The following FAM91A1 variants were observed in gnomAD, a reference collection of about 807,000 sequenced individuals.
FAM91A1 encodes protein FAM91A1.
A neutral mutation model predicts 113.5 loss-of-function variants in FAM91A1; 41 were observed. That is an observed-to-expected ratio of 0.36 (90% CI 0.28 to 0.47). The LOEUF is 0.47. FAM91A1 is among the 20% of genes least tolerant of loss of function. The probability of loss-of-function intolerance (pLI) is 1.00; values close to 1 mark genes in which losing one functional copy is unlikely to be tolerated. For synonymous variants in FAM91A1, 307 were observed against 347.9 expected (o/e 0.88, Z 1.31); for missense variants, 696 against 1,001.2 (o/e 0.70, Z 4.11).
rs190754516 is a variant in FAM91A1, at chr8:123,777,337, G to T, written c.367+15G>T. On this transcript the variant is annotated intron_variant, in intron 4 of 23. Transcript: ENST00000334705. ...TGCTGCTGACTGTAAGTATTTAATTGTGCTGAAGAAGGTAATGTTTAGGTT... is the reference window on the plus strand; with the variant it reads ...TGCTGCTGACTGTAAGTATTTAATTTTGCTGAAGAAGGTAATGTTTAGGTT... 6.2e-7 allele frequency: 1 copy of T among 1,608,178 alleles called. No homozygotes were observed. Among genetic ancestry groups the T allele is most frequent in the East Asian group, 2.2e-5 (1 of 44,630 alleles).
chr8:123,805,702 A>C (rs1815786862), intron 19 of FAM91A1, among the ~76,000 whole-genome samples: 1 of 152,192 alleles, frequency 6.6e-6, no homozygotes, highest in Non-Finnish European at 1.5e-5. Context: ...CTGGAGATGC[A>C]GATAGTGACA....
At chr8:123,801,034 A>G (rs548894980) in intron 18 of FAM91A1, among the ~76,000 whole-genome samples, 3 of 152,248 alleles carry the variant, frequency 2.0e-5, no homozygotes, top group South Asian at 4.1e-4. Flanking sequence ...TCTCTTGGCT[A>G]TATATGTATA....
At chr8:123,775,366 T>G in intron 3 of FAM91A1, 68 bp downstream of exon 3, 2 of 1,551,784 alleles carry the variant, frequency 1.3e-6, no homozygotes, top group Non-Finnish European at 1.8e-6. Flanking sequence ...TTTTTGCAGA[T>G]GTTCACCAGC....
intron 15 of FAM91A1, among the ~76,000 whole-genome samples, chr8:123,794,691 A>G (rs1241882071): frequency 3.3e-5 from 5 of 152,214 alleles, no homozygotes; most frequent in African/African-American, 1.2e-4. Context: ...TGGTTCTCTC[A>G]TATTTTTCAT....
rs548893806 is a variant in FAM91A1, at chr8:123,796,706, C to G, written c.1412-1384C>G. ...TCTCCTGACCTCGTGGTCTGCCCACCTCGGCCTCCCAGAGTACTGGGATTA... is the reference window on the plus strand; with the variant it reads ...TCTCCTGACCTCGTGGTCTGCCCACGTCGGCCTCCCAGAGTACTGGGATTA... On this transcript the variant is annotated intron_variant, in intron 15 of 23. Transcript: ENST00000334705. Among the ~76,000 whole-genome samples the G allele has an allele frequency of 1.5e-3, 221 of 151,000 alleles. 1 individual carries two copies. Among genetic ancestry groups the G allele is most frequent in the Non-Finnish European group, 2.5e-3 (170 of 67,706 alleles).
intron 1 of FAM91A1, among the ~76,000 whole-genome samples, chr8:123,769,779 G>A (rs1814794707): frequency 6.6e-6 from 1 of 152,180 alleles, no homozygotes; most frequent in Non-Finnish European, 1.5e-5. Context: ...TACGAAAGTA[G>A]TGATATGGGC....
rs1330507739 is a variant in FAM91A1 at position 123,804,490 on chromosome 8, T to A, written c.1810-777T>A. 7.6e-3 allele frequency among the ~76,000 whole-genome samples: 564 copies of A among 73,854 alleles called. 159 individuals are homozygous for A. Among genetic ancestry groups the A allele is most frequent in the South Asian group, 0.011 (22 of 1,994 alleles). 48.5% of individuals were successfully genotyped at this position (73,854 alleles called of 152,430 possible). A position where few individuals can be genotyped will look rare whatever the true frequency, so the allele number is the denominator to read the frequency against. ...TGAGTAACAGAGCAAGACTCTGTTTTAAAAAAAAAAAAAAAAAAAAAAAAA... is the reference window on the plus strand; with the variant it reads ...TGAGTAACAGAGCAAGACTCTGTTTAAAAAAAAAAAAAAAAAAAAAAAAAA... On this transcript the variant is annotated intron_variant, in intron 18 of 23. Coordinates refer to ENST00000334705, the MANE Select transcript of FAM91A1 (RefSeq NM_144963.4).
chr8:123,812,554 C>G lies in FAM91A1; in HGVS notation c.2367C>G (p.Pro789=), dbSNP rs772490752. ...CAATATTGGATATTCACACAGAGCC[C>G]AGTTTTTCAAGTTTGCTTTCACAGT... ...GASILDIHTE[P]SFSSLLSQSS... Residue 789 remains proline (P), a synonymous_variant, in exon 24 of 24, where the codon CCC becomes CCG. Transcript: ENST00000334705. 6.3e-7 allele frequency: 1 copy of G among 1,594,148 alleles called. No individual in the cohort carries two copies. Among genetic ancestry groups the G allele is most frequent in the African/African-American group, 1.4e-5 (1 of 73,618 alleles).
rs755520458 is a variant in FAM91A1 at position 123,780,056 on chromosome 8, A to G, written c.621A>G (p.Leu207=). 63 of 1,613,456 alleles carry G rather than the reference A, an allele frequency of 3.9e-5. No individual in the cohort carries two copies. The highest frequency in any genetic ancestry group is 5.2e-5 in the Non-Finnish European group (61 of 1,179,648). ...CAGGCCCTCAACTCTCTGGATCACT[A>G]GATTACAATGTAGTACATAGTAAGT... ...IDSGPQLSGS[L]DYNVVHSLYN... is the part of the protein sequence containing the mutation. The change falls in exon 7 of 24, where the codon CTA becomes CTG. Residue 207 remains leucine (L), a synonymous_variant. Transcript: ENST00000334705.
intron 15 of FAM91A1, among the ~76,000 whole-genome samples, chr8:123,791,048 A>T (rs1815370618): frequency 6.6e-6 from 1 of 152,218 alleles, no homozygotes. Context: ...ATTTATGGAG[A>T]TAATGTATTA....
intron 11 of FAM91A1, 66 bp from the exon 12 acceptor site, chr8:123,786,429 A>G: frequency 8.8e-7 from 1 of 1,138,280 alleles, no homozygotes; most frequent in Non-Finnish European, 1.3e-6. Flanking sequence ...TCTTAACTTC[A>G]GTAGATATTT....
intron 13 of FAM91A1, 63 bp from the exon 14 acceptor site, chr8:123,787,601 T>G: frequency 7.7e-7 from 1 of 1,296,618 alleles, no homozygotes; most frequent in Non-Finnish European, 1.1e-6. Flanking sequence ...TATAAATATT[T>G]GATAGTATGC....
At chr8:123,805,458 T>C in intron 19 of FAM91A1, 119 bp downstream of exon 19, 1 of 822,952 alleles carries the variant, frequency 1.2e-6, no homozygotes, top group Non-Finnish European at 1.9e-6. Context: ...CTAGGTTCTT[T>C]GCTACTAAAG....
chr8:123,779,578 C>G (rs1050375399), intron 6 of FAM91A1, among the ~76,000 whole-genome samples: 1 of 152,186 alleles, frequency 6.6e-6, no homozygotes, highest in African/African-American at 2.4e-5. Flanking sequence ...TTACTTCAGT[C>G]TAAAGTACCT....
chr8:123,797,748 G>A (rs756614458), intron 15 of FAM91A1, among the ~76,000 whole-genome samples: 5 of 152,188 alleles, frequency 3.3e-5, no homozygotes, highest in Non-Finnish European at 5.9e-5. Context: ...TGTGCACGGC[G>A]TCAGCCTCTG....
At chr8:123,776,063 G>A (rs1017920810) in intron 3 of FAM91A1, among the ~76,000 whole-genome samples, 1 of 152,166 alleles carries the variant, frequency 6.6e-6, no homozygotes, top group Non-Finnish European at 1.5e-5. Context: ...TATAATACAG[G>A]TGCCAGAAAA....
intron 19 of FAM91A1, 113 bp from the exon 20 acceptor site, chr8:123,805,964 TATG>T: frequency 4.1e-6 from 4 of 980,648 alleles, no homozygotes; most frequent in Admixed American, 3.1e-5. Context: ...TGGAATCAAT[TATG>T]ATGTATTAAA....
At position 123,787,253 on chromosome 8, in the gene FAM91A1, T is replaced by G. The variant is rs778978211; in HGVS notation, c.1079-8T>G. 1 of 1,594,522 alleles carries G rather than the reference T, an allele frequency of 6.3e-7. No individual in the cohort carries two copies. Among genetic ancestry groups the G allele is most frequent in the African/African-American group, 1.3e-5 (1 of 74,310 alleles). On this transcript the variant is annotated splice_polypyrimidine_tract_variant and splice_region_variant and intron_variant, in intron 12 of 23. Coordinates refer to ENST00000334705, the MANE Select transcript of FAM91A1 (RefSeq NM_144963.4). ...ATTTACTTGATTTTAAATTATGGTG[T>G]TTTTCAGCTGACACAGCCAGTGTAA... is the stretch of plus-strand genomic sequence containing the variant.
In FAM91A1 at chr8:123,813,712, G is replaced by A. The variant is rs533512216; in HGVS notation, c.*1008G>A. 2 of 152,350 alleles carry A rather than the reference G, an allele frequency of 1.3e-5. No homozygotes were observed. Among genetic ancestry groups the A allele is most frequent in the East Asian group, 1.9e-4 (1 of 5,190 alleles). 9.4% of individuals were successfully genotyped at this position (152,350 alleles called of 1,614,324 possible). ...TAAAGAAAAATGGAATTACTTCAAA[G>A]TGTTTCTTGAGTCATTGATTCTTTT... On this transcript the variant is annotated 3_prime_UTR_variant, in exon 24 of 24. Transcript: ENST00000334705.
Sources: gnomAD v4.1 joint callset for allele counts (sites outside exome capture counted in the v4.1 genomes callset) on GRCh38, gnomAD v4.1.1 for gene constraint, MANE v1.5 for transcripts, NCBI Gene and HGNC (gene_info 2026-07-23, HGNC 2026-07-21) for gene names.